The following ZNF320 variants were observed in gnomAD, a reference collection of about 807,000 sequenced individuals.
ZNF320 encodes zinc finger protein 320.
A neutral mutation model predicts 6.8 loss-of-function variants in ZNF320; 2 were observed. That is an observed-to-expected ratio of 0.29 (90% CI 0.12 to 0.93). The LOEUF (loss-of-function observed/expected upper bound fraction) is 0.93, where lower values mean the gene tolerates loss of function less well. Ranked by LOEUF, ZNF320 falls within the 40% of genes least tolerant of loss-of-function variation. The pLI is 0.55. For synonymous variants in ZNF320, 208 were observed against 203.2 expected, an observed-to-expected ratio of 1.02 and a Z score of -0.20; for missense variants, 472 against 611.0, an observed-to-expected ratio of 0.77 and a Z score of 2.40.
Position 52,879,857 on chromosome 19 carries a change from G to T in ZNF320, c.*739C>A, listed in dbSNP as rs2063861028. 1 of 152,026 alleles carries T rather than the reference G, an allele frequency of 6.6e-6. No homozygotes were observed. The allele number at this position is 152,026 out of a possible 1,614,324, so 9.4% of individuals were successfully genotyped here. A position where few individuals can be genotyped will look rare whatever the true frequency, so the allele number is the denominator to read the frequency against. On this transcript the variant is annotated 3_prime_UTR_variant, in exon 6 of 6. Coordinates refer to ENST00000682928, the MANE Select transcript of ZNF320 (RefSeq NM_001351774.2). Reference sequence around the variant, plus strand: ...TCATTTGCTAAAGAACTTAAAGTAAGAAATACTTAGGAATAAATGAAAAAA... The same window carrying T: ...TCATTTGCTAAAGAACTTAAAGTAATAAATACTTAGGAATAAATGAAAAAA...
intron 2 of ZNF320, 124 bp from the exon 3 acceptor site, chr19:52,891,470 G>C (rs1019302481): frequency 2.0e-5 from 3 of 152,944 alleles, no homozygotes; most frequent in African/African-American, 7.2e-5. Flanking sequence ...ATGGGAGACA[G>C]CTCTGAGCCT....
intron 5 of ZNF320, among the ~76,000 whole-genome samples, chr19:52,886,806 G>A (rs1026500568): frequency 1.3e-5 from 2 of 151,994 alleles, no homozygotes; most frequent in Non-Finnish European, 2.9e-5. Flanking sequence ...ATGGTGGTGA[G>A]CGCCTGCAGT....
chr19:52,870,163 T>C (rs758219812), intron 5 of ZNF320, among the ~76,000 whole-genome samples: 2 of 152,138 alleles, frequency 1.3e-5, no homozygotes, highest in Admixed American at 1.3e-4. Flanking sequence ...TAACTCATTA[T>C]TGTGATAGTT....
In ZNF320 at chr19:52,880,887, G is replaced by A. The variant is rs755709205; in HGVS notation, c.1239C>T (p.Tyr413=). ...HQKLHTGEKL[Y]ECEECDKVYI... is the part of the protein sequence containing the mutation. Reference sequence around the variant, plus strand: ...AAACTTTGTCACATTCTTCACATTCGTAAAGTTTCTCTCCAGTATGAAGTT... The same window carrying A: ...AAACTTTGTCACATTCTTCACATTCATAAAGTTTCTCTCCAGTATGAAGTT... The change falls in exon 6 of 6, where the codon TAC becomes TAT. Residue 413 remains tyrosine, a synonymous_variant. Coordinates refer to ENST00000682928, the MANE Select transcript of ZNF320 (RefSeq NM_001351774.2). The A allele has an allele frequency of 1.5e-5, 24 of 1,613,786 alleles. No individual in the cohort carries two copies. Among genetic ancestry groups the A allele is most frequent in the Non-Finnish European group, 1.8e-5 (21 of 1,179,876 alleles).
In ZNF320 at chr19:52,881,792, G is replaced by A; in HGVS notation, c.334C>T (p.Pro112Ser). ...QEDETNDHEA[P>S]MTEIKKLTSS... ...GTCAACTTTTTTATTTCTGTCATGG[G>A]TGCTTCATGGTCATTTGTTTCATCT... Residue 112 changes from proline to serine, a missense_variant, in exon 6 of 6, where the codon CCC (proline) becomes TCC (serine). Physicochemically the swap from Pro to Ser is moderately conservative, Grantham distance 74. Around this residue, in one of 2 missense-constraint regions of ZNF320, gnomAD observed 462 missense variants for 559.7 expected, o/e 0.83. Transcript: ENST00000682928. 6.2e-7 allele frequency: 1 copy of A among 1,613,754 alleles called. No individual in the cohort carries two copies. The highest frequency in any genetic ancestry group is 8.5e-7 in the Non-Finnish European group (1 of 1,179,816).
At chr19:52,865,325 A>C in intron 5 of ZNF320, 1 of 281,176 alleles carries the variant, frequency 3.6e-6, no homozygotes, top group Non-Finnish European at 6.9e-6. Flanking sequence ...CCCATTTCAA[A>C]TATATATATA....
chr19:52,885,248 C>A (rs988082469), intron 5 of ZNF320, among the ~76,000 whole-genome samples: 1 of 151,612 alleles, frequency 6.6e-6, no homozygotes, highest in African/African-American at 2.4e-5. Flanking sequence ...TAACTCCAAC[C>A]CACAAACATA....
downstream of ZNF320, among the ~76,000 whole-genome samples, chr19:52,860,074 G>A (rs558469851): frequency 1.7e-3 from 262 of 152,028 alleles, 1 homozygote; most frequent in Admixed American, 6.0e-3. Context: ...CACCACGCCC[G>A]GCTAATTTTT....
At chr19:52,896,787 T>C (rs976841629) in intron 1 of ZNF320, among the ~76,000 whole-genome samples, 3 of 152,120 alleles carry the variant, frequency 2.0e-5, no homozygotes, top group Non-Finnish European at 4.4e-5. Flanking sequence ...AGGCAAACTT[T>C]CTAAAACTAG....
At chr19:52,874,531 A>T (rs2063732699), downstream of ZNF320, among the ~76,000 whole-genome samples, 1 of 152,176 alleles carries the variant, frequency 6.6e-6, no homozygotes, top group South Asian at 2.1e-4. Context: ...AGCATAAAAG[A>T]TGTATTTGCA....
At chr19:52,866,237 T>C (rs959177571) in intron 5 of ZNF320, among the ~76,000 whole-genome samples, 2 of 146,164 alleles carry the variant, frequency 1.4e-5, no homozygotes, top group Non-Finnish European at 3.0e-5. Context: ...ATTATACATA[T>C]ATATATATAT....
chr19:52,882,054 T>TCA (rs369753383), intron 5 of ZNF320, 71 bp from the exon 6 acceptor site: 4 of 1,385,428 alleles, frequency 2.9e-6, no homozygotes, highest in Non-Finnish European at 3.9e-6. Flanking sequence ...TGTATAAATA[T>TCA]CACACACACA....
At chr19:52,870,625 G>A (rs1489638165) in intron 5 of ZNF320, among the ~76,000 whole-genome samples, 4 of 151,824 alleles carry the variant, frequency 2.6e-5, no homozygotes, top group African/African-American at 9.7e-5. Flanking sequence ...GCCATTACAC[G>A]TGTGGTGGTG....
Position 52,877,109 on chromosome 19 carries a change from T to C in ZNF320, c.*3487A>G, listed in dbSNP as rs927836754. 6 of 152,230 alleles carry C rather than the reference T, an allele frequency of 3.9e-5. No individual in the cohort carries two copies. The highest frequency in any genetic ancestry group is 3.3e-4 in the Admixed American group (5 of 15,272). The allele number at this position is 152,230 out of a possible 1,614,324, so 9.4% of individuals were successfully genotyped here. On this transcript the variant is annotated 3_prime_UTR_variant, in exon 6 of 6. Transcript: ENST00000682928. ...CCAACAGAATGAGACCCATCTTTAA[T>C]AGAAATGAAGAAAAAGGAAACACAT...
At chr19:52,900,669 C>T (rs916988273), upstream of ZNF320, among the ~76,000 whole-genome samples, 4 of 151,732 alleles carry the variant, frequency 2.6e-5, no homozygotes, top group Non-Finnish European at 5.9e-5. Flanking sequence ...AGGATGTTTA[C>T]GCTAGGATCT....
chr19:52,873,012 G>C (rs1241576084), downstream of ZNF320, among the ~76,000 whole-genome samples: 4 of 152,204 alleles, frequency 2.6e-5, no homozygotes, highest in East Asian at 7.7e-4. Context: ...GCAGTAAAGA[G>C]CAGTATTGCT....
chr19:52,892,202 C>T (rs1032886931), intron 2 of ZNF320: 2 of 150,642 alleles, frequency 1.3e-5, no homozygotes, highest in Admixed American at 1.3e-4. Flanking sequence ...CCCGTCTCTA[C>T]TAAAAATACA....
intron 5 of ZNF320, among the ~76,000 whole-genome samples, chr19:52,886,981 G>GGAAGGAAA (rs2064104341): frequency 1.3e-5 from 1 of 75,564 alleles, no homozygotes; most frequent in Non-Finnish European, 3.0e-5. Flanking sequence ...AAAGAAAGAA[G>GGAAGGAAA]GAAGGAAGGA....
At chr19:52,863,876 C>G (rs2147761806) in exon 6 of ZNF320, 1 of 269,324 alleles carries the variant, frequency 3.7e-6, no homozygotes, top group East Asian at 1.2e-4. Context: ...ACTAAAGATA[C>G]AAAATAACAT....
Sources: allele counts gnomAD v4.1 joint callset (sites outside exome capture counted in the v4.1 genomes callset), GRCh38; gene constraint gnomAD v4.1.1; regional missense constraint gnomAD v4.1.1; transcripts MANE v1.5; gene names NCBI Gene and HGNC (gene_info 2026-07-23, HGNC 2026-07-21).